CSMD1: variants seen among roughly 807,000 people sequenced by gnomAD.
CSMD1 encodes CUB and Sushi multiple domains 1, also known as CUB and sushi domain-containing protein 1.
CSMD1 carries 213 observed loss-of-function variants against 417.5 expected under a neutral mutation model. The observed-to-expected ratio is 0.51, with a 90% CI of 0.46 to 0.57. CSMD1 has a LOEUF of 0.57. CSMD1 is among the 20% of genes least tolerant of loss of function. The pLI is 0.00. For synonymous variants in CSMD1, 2,862 were observed against 1,736.8 expected (o/e 1.65, Z -16.11); for missense variants, 6,923 against 4,529.7 (o/e 1.53, Z -15.17).
chr8:4,327,011 G>C (rs910100963), intron 3 of CSMD1, among the ~76,000 whole-genome samples: 3 of 152,110 alleles, frequency 2.0e-5, no homozygotes, highest in African/African-American at 7.2e-5. Context: ...AGAATTGGGA[G>C]AACCAGACCA....
intron 1 of CSMD1, among the ~76,000 whole-genome samples, chr8:4,860,605 A>G (rs1802073479): frequency 6.6e-6 from 1 of 152,066 alleles, no homozygotes; most frequent in South Asian, 2.1e-4. Context: ...TCTCTTCTTT[A>G]TAAATTACCC....
chr8:3,767,837 T>C (rs1384524541), intron 5 of CSMD1, among the ~76,000 whole-genome samples: 1 of 152,172 alleles, frequency 6.6e-6, no homozygotes, highest in Non-Finnish European at 1.5e-5. Flanking sequence ...CGGGTGGAAA[T>C]GCCCAGTGGG....
chr8:4,585,058 C>G (rs146603213), intron 2 of CSMD1, among the ~76,000 whole-genome samples: 1,537 of 150,042 alleles, frequency 0.01, 22 homozygotes, highest in African/African-American at 0.035. Flanking sequence ...AAAAAATTAC[C>G]CAGCATACCA....
chr8:3,022,068 A>T (rs1356499911), intron 51 of CSMD1, among the ~76,000 whole-genome samples: 1 of 136,500 alleles, frequency 7.3e-6, no homozygotes, highest in Non-Finnish European at 1.6e-5. Flanking sequence ...TGCACCCGCA[A>T]TCCCACAGCA....
intron 3 of CSMD1, among the ~76,000 whole-genome samples, chr8:4,044,456 G>C (rs905873949): frequency 2.6e-5 from 4 of 152,070 alleles, no homozygotes; most frequent in Non-Finnish European, 5.9e-5. Context: ...TGCTTAACTC[G>C]ATTTAACTGG....
intron 20 of CSMD1, among the ~76,000 whole-genome samples, chr8:3,365,564 A>T (rs1458288323): frequency 6.6e-6 from 1 of 152,244 alleles, no homozygotes; most frequent in African/African-American, 2.4e-5. Context: ...ATTTGCTACA[A>T]CTTAAAAACA....
At chr8:4,925,086 T>C (rs868741809) in intron 1 of CSMD1, among the ~76,000 whole-genome samples, 11 of 152,172 alleles carry the variant, frequency 7.2e-5, no homozygotes, top group Admixed American at 1.3e-4. Flanking sequence ...CATATTTGAA[T>C]ATATTATGAC....
intron 5 of CSMD1, among the ~76,000 whole-genome samples, chr8:3,983,331 C>T (rs1002090531): frequency 1.2e-4 from 18 of 151,984 alleles, no homozygotes; most frequent in Non-Finnish European, 1.2e-4. Flanking sequence ...GGGGTTTCAC[C>T]GTGTTGGCCA....
chr8:4,383,452 T>C (rs1803237906), intron 3 of CSMD1, among the ~76,000 whole-genome samples: 2 of 152,202 alleles, frequency 1.3e-5, no homozygotes, highest in African/African-American at 4.8e-5. Context: ...AATTTCACAG[T>C]AGTTCCTAAT....
At chr8:3,199,989 A>G (rs538896822) in intron 32 of CSMD1, among the ~76,000 whole-genome samples, 180 bp from the exon 33 acceptor site, 13 of 152,344 alleles carry the variant, frequency 8.5e-5, no homozygotes, top group African/African-American at 2.9e-4. Context: ...ACTCTGTCCT[A>G]GGCAAGAATA....
At chr8:4,118,216 AT>A (rs1448447711) in intron 3 of CSMD1, among the ~76,000 whole-genome samples, 2 of 152,080 alleles carry the variant, frequency 1.3e-5, no homozygotes, top group African/African-American at 2.4e-5. Context: ...TAAAAACTAA[AT>A]TTTTAGCACA....
intron 49 of CSMD1, among the ~76,000 whole-genome samples, chr8:3,077,498 GA>G (rs1813767470): frequency 3.3e-5 from 5 of 152,228 alleles, no homozygotes; most frequent in Non-Finnish European, 5.9e-5. Flanking sequence ...TTCTCCCTGT[GA>G]TGGTCTCTGG....
chr8:3,477,745 T>A (rs1381458615), intron 11 of CSMD1, among the ~76,000 whole-genome samples: 1 of 152,168 alleles, frequency 6.6e-6, no homozygotes, highest in African/African-American at 2.4e-5. Flanking sequence ...GTCTCTCACA[T>A]ATCTTCAGAT....
At chr8:3,539,138 T>C (rs570287588) in intron 10 of CSMD1, among the ~76,000 whole-genome samples, 30 of 152,312 alleles carry the variant, frequency 2.0e-4, no homozygotes, top group African/African-American at 7.2e-4. Flanking sequence ...CGCTTGTCTT[T>C]CCCTTCCACA....
intron 5 of CSMD1, among the ~76,000 whole-genome samples, chr8:3,971,740 C>T (rs555493018): frequency 1.3e-3 from 196 of 152,140 alleles, no homozygotes; most frequent in African/African-American, 4.6e-3. Context: ...CCACCAAGGC[C>T]GATGCATTTT....
intron 7 of CSMD1, among the ~76,000 whole-genome samples, chr8:3,632,138 T>C (rs17066698): frequency 0.049 from 7,469 of 152,282 alleles, 302 homozygotes; most frequent in East Asian, 0.18. Flanking sequence ...TTAACATTCC[T>C]GCTAGAGAAA....
At chr8:4,216,749 A>G (rs1313761465) in intron 3 of CSMD1, among the ~76,000 whole-genome samples, 2 of 152,220 alleles carry the variant, frequency 1.3e-5, no homozygotes, top group African/African-American at 2.4e-5. Flanking sequence ...TAAGACCTTT[A>G]AAATTACCAT....
At chr8:4,013,124 G>A (rs535767115) in intron 4 of CSMD1, among the ~76,000 whole-genome samples, 5 of 151,854 alleles carry the variant, frequency 3.3e-5, no homozygotes, top group African/African-American at 4.8e-5. Context: ...TTTTCTTCTC[G>A]TATCCCCCCA....
intron 1 of CSMD1, among the ~76,000 whole-genome samples, chr8:4,793,237 T>A (rs1006105520): frequency 6.6e-6 from 1 of 152,178 alleles, no homozygotes; most frequent in African/African-American, 2.4e-5. Context: ...GAGTTAGTTT[T>A]CCTTCATATT....
Sources: gnomAD v4.1 joint callset for allele counts (sites outside exome capture counted in the v4.1 genomes callset) on GRCh38, gnomAD v4.1.1 for gene constraint, MANE v1.5 for transcripts, NCBI Gene and HGNC (gene_info 2026-07-23, HGNC 2026-07-21) for gene names.